Variants in FARP2 observed in about 807,000 individuals in gnomAD.
FARP2 encodes the protein FERM, ARH/RhoGEF and pleckstrin domain protein 2, also known as FERM, ARHGEF and pleckstrin domain-containing protein 2.
FARP2 carries 111 observed loss-of-function variants against 130.5 expected under a neutral mutation model. The ratio of observed to expected loss-of-function variants is 0.85; its 90% CI spans 0.73 to 1.00. FARP2 has a LOEUF of 1.00. Among genes scored for constraint, FARP2 ranks in the 50% least tolerant of loss-of-function variants. The probability of loss-of-function intolerance (pLI) is 0.00; values close to 1 mark genes in which losing one functional copy is unlikely to be tolerated. For synonymous variants in FARP2, 504 were observed against 516.9 expected, an observed-to-expected ratio of 0.98 and a Z score of 0.34; for missense variants, 1,385 against 1,346.3, an observed-to-expected ratio of 1.03 and a Z score of -0.45.
intron 4 of FARP2, 114 bp downstream of exon 4, chr2:241,404,955 G>A: frequency 1.3e-6 from 1 of 742,314 alleles, no homozygotes; most frequent in Non-Finnish European, 2.3e-6. Flanking sequence ...TTAGCAAGAA[G>A]TAATCACCAA....
intron 13 of FARP2, among the ~76,000 whole-genome samples, chr2:241,453,653 A>C (rs1050239793): frequency 2.6e-5 from 4 of 151,944 alleles, no homozygotes; most frequent in African/African-American, 9.7e-5. Flanking sequence ...AATATTATCA[A>C]ATGATGACTT....
At chr2:241,449,599 G>A (rs1052683540) in intron 13 of FARP2, among the ~76,000 whole-genome samples, 1 of 152,102 alleles carries the variant, frequency 6.6e-6, no homozygotes, top group Non-Finnish European at 1.5e-5. Flanking sequence ...GAAAAGTGAA[G>A]GTAAGCACAA....
At chr2:241,435,115 A>G in intron 11 of FARP2, 85 bp downstream of exon 11, 1 of 766,118 alleles carries the variant, frequency 1.3e-6, no homozygotes, top group South Asian at 1.9e-5. Context: ...GAAAAGAGAG[A>G]CTGAGTCTTG....
Position 241,491,551 on chromosome 2 carries a change from G to T in FARP2, c.2659G>T (p.Glu887Ter). 6.2e-7 allele frequency: 1 copy of T among 1,613,758 alleles called. No homozygotes were observed. The highest frequency in any genetic ancestry group is 8.5e-7 in the Non-Finnish European group (1 of 1,179,920). Residue 887 changes from glutamate (E) to a stop codon, truncating the protein, a stop_gained, in exon 24 of 27, where the codon GAA (glutamate) becomes TAA (stop). Coordinates refer to ENST00000264042, the MANE Select transcript of FARP2 (RefSeq NM_014808.4). LOFTEE classifies it high-confidence loss of function. ...PNEVSLEQES[E>*]DDARGVRSSL... ...CGAGGTATCTCTGGAGCAGGAGTCA[G>T]AAGATGATGCTCGGGGTGTCCGCAG...
At position 241,407,647 on chromosome 2, in the gene FARP2, A is replaced by G. The variant is rs764729021; in HGVS notation, c.410+32A>G. 3.2e-6 allele frequency: 5 copies of G among 1,542,616 alleles called. No individual in the cohort carries two copies. The Admixed American group carries it at 8.4e-5, about 26-fold the overall frequency. The stretch of plus-strand genomic sequence containing the variant: ...AGCTCACAGAGCTGAAGCTGTTGTC[A>G]GCAGGAATCTTGTATTCACCTGTTA... On this transcript the variant is annotated intron_variant, in intron 5 of 26. Transcript: ENST00000264042.
intron 13 of FARP2, among the ~76,000 whole-genome samples, chr2:241,448,658 T>G (rs1429980600): frequency 6.6e-6 from 1 of 152,234 alleles, no homozygotes; most frequent in Non-Finnish European, 1.5e-5. Flanking sequence ...AAGCACAACT[T>G]GCTGTTATAG....
At chr2:241,450,658 C>T (rs1239525133) in intron 13 of FARP2, among the ~76,000 whole-genome samples, 7 of 151,696 alleles carry the variant, frequency 4.6e-5, no homozygotes, top group East Asian at 1.9e-4. Flanking sequence ...GGAGACAGAG[C>T]GAGACTCAGT....
intron 2 of FARP2, among the ~76,000 whole-genome samples, chr2:241,382,015 A>T (rs1342329075): frequency 6.6e-6 from 1 of 152,176 alleles, no homozygotes; most frequent in Admixed American, 6.5e-5. Context: ...GGTTTTCATT[A>T]TACCATTAAT....
At chr2:241,432,318 A>G (rs935056856) in intron 9 of FARP2, 22 of 152,368 alleles carry the variant, frequency 1.4e-4, no homozygotes, top group African/African-American at 5.1e-4. Context: ...GAACTTTGTC[A>G]CTCACGTGTT....
At chr2:241,411,780 A>G (rs1009499927) in intron 6 of FARP2, among the ~76,000 whole-genome samples, 1 of 152,234 alleles carries the variant, frequency 6.6e-6, no homozygotes, top group Non-Finnish European at 1.5e-5. Context: ...TATGACATAG[A>G]AAGTTCCAAA....
At chr2:241,439,991 G>A (rs762798692) in intron 12 of FARP2, among the ~76,000 whole-genome samples, 13 of 152,072 alleles carry the variant, frequency 8.5e-5, no homozygotes, top group East Asian at 7.7e-4. Flanking sequence ...AAACCTTTAC[G>A]CTTTCAATTT....
At chr2:241,493,110 CT>C in intron 25 of FARP2, 74 bp downstream of exon 25, 3 of 1,145,318 alleles carry the variant, frequency 2.6e-6, no homozygotes, top group Non-Finnish European at 2.6e-6. Flanking sequence ...ACCTGTGTCC[CT>C]TTTGTATTTT....
At chr2:241,493,465 C>T (rs2065005198) in intron 26 of FARP2, 21 bp downstream of exon 26, 2 of 1,610,690 alleles carry the variant, frequency 1.2e-6, no homozygotes, top group Non-Finnish European at 8.5e-7. Context: ...AGGAGGCAGC[C>T]CTGGTCAGCT....
chr2:241,413,408 C>CA lies in FARP2; in HGVS notation c.611dup (p.His204GlnfsTer11), dbSNP rs761264770. On this transcript the variant is annotated frameshift_variant, in exon 7 of 27. Coordinates refer to ENST00000264042, the MANE Select transcript of FARP2 (RefSeq NM_014808.4). LOFTEE classifies it high-confidence loss of function. The stretch of plus-strand genomic sequence containing the variant: ...CTGCCTTGAGAAGATACTAGAATTC[C>CA]ATCAGAAGCACGTGTAAGTCATCAC... The CA allele has an allele frequency of 1.0e-5, 16 of 1,606,780 alleles. No individual in the cohort carries two copies. In the African/African-American group the frequency reaches 1.9e-4, roughly 19 times the overall value.
intron 16 of FARP2, 156 bp downstream of exon 16, chr2:241,463,624 T>C: frequency 1.2e-6 from 1 of 801,004 alleles, no homozygotes; most frequent in Non-Finnish European, 1.9e-6. Flanking sequence ...GATGTAATAA[T>C]ACCCTTTATT....
chr2:241,452,820 A>G (rs1012750410), intron 13 of FARP2, among the ~76,000 whole-genome samples: 1 of 151,616 alleles, frequency 6.6e-6, no homozygotes, highest in Non-Finnish European at 1.5e-5. Flanking sequence ...GGGCATGTGT[A>G]GTCCCAGCTA....
At chr2:241,445,847 G>A (rs1191156744) in intron 13 of FARP2, 1 of 152,284 alleles carries the variant, frequency 6.6e-6, no homozygotes, top group Non-Finnish European at 1.5e-5. Flanking sequence ...CTCAGGCAGG[G>A]CGCATCAGGG....
Position 241,492,964 on chromosome 2 carries a change from A to T in FARP2, c.2823A>T (p.Lys941Asn), listed in dbSNP as rs774148238. The T allele has an allele frequency of 1.2e-6, 2 of 1,612,970 alleles. No individual in the cohort carries two copies. The highest frequency in any genetic ancestry group is 1.7e-6 in the Non-Finnish European group (2 of 1,179,056). Reference protein sequence around the residue: ...QLSGYLLRKFKNSHGWQKLWV... With the variant: ...QLSGYLLRKFNNSHGWQKLWV... The stretch of plus-strand genomic sequence containing the variant: ...CAGGATATCTGCTAAGAAAGTTCAA[A>T]AACAGTCATGGCTGGCAGAAGCTCT... The change falls in exon 25 of 27, where the codon AAA becomes AAT. Residue 941 changes from lysine (K) to asparagine (N), a missense_variant. Physicochemically the swap from Lys to Asn is moderately conservative, Grantham distance 94. Coordinates refer to ENST00000264042, the MANE Select transcript of FARP2 (RefSeq NM_014808.4).
chr2:241,450,596 G>C (rs2063627067), intron 13 of FARP2, among the ~76,000 whole-genome samples: 1 of 152,030 alleles, frequency 6.6e-6, no homozygotes, highest in Non-Finnish European at 1.5e-5. Flanking sequence ...AACCCAGGAG[G>C]TAGAGGCTGC....
Sources: allele counts gnomAD v4.1 joint callset (sites outside exome capture counted in the v4.1 genomes callset), GRCh38; gene constraint gnomAD v4.1.1; transcripts MANE v1.5; gene names NCBI Gene and HGNC (gene_info 2026-07-23, HGNC 2026-07-21).